The following GNA14 variants were observed in gnomAD, a reference collection of about 807,000 sequenced individuals.
GNA14 encodes the protein G protein subunit alpha 14, also known as guanine nucleotide-binding protein subunit alpha-14.
In GNA14, 50 loss-of-function variants were observed where a neutral mutation model predicts 42.0. That is an observed-to-expected ratio of 1.19 (90% CI 0.95 to 1.51). GNA14 has a LOEUF of 1.51. Ranked by LOEUF, GNA14 falls within the 40% of genes most tolerant of loss-of-function variation. The pLI is 0.00. For missense variants in GNA14, 473 were observed against 446.2 expected (o/e 1.06, Z -0.54); for synonymous variants, 173 against 163.1 (o/e 1.06, Z -0.46).
chr9:77,487,536 A>G (rs1178110207), intron 2 of GNA14, among the ~76,000 whole-genome samples: 2 of 152,208 alleles, frequency 1.3e-5, no homozygotes, highest in Admixed American at 1.3e-4. Context: ...AAAGCACTTT[A>G]TAAATGATAA....
intron 2 of GNA14, among the ~76,000 whole-genome samples, chr9:77,481,107 T>C (rs9722828): frequency 0.49 from 73,028 of 150,270 alleles, 18,320 homozygotes; most frequent in East Asian, 0.82. Flanking sequence ...AATGTGTTTG[T>C]TCTTGCTTTT....
intron 1 of GNA14, among the ~76,000 whole-genome samples, chr9:77,561,909 T>G (rs551489886): frequency 6.6e-6 from 1 of 152,212 alleles, no homozygotes; most frequent in Non-Finnish European, 1.5e-5. Context: ...ACCAGTCAAA[T>G]AAGGTATTAA....
chr9:77,487,107 T>C (rs997360915), intron 2 of GNA14, among the ~76,000 whole-genome samples: 1 of 152,036 alleles, frequency 6.6e-6, no homozygotes, highest in African/African-American at 2.4e-5. Context: ...TTTCATCTGA[T>C]GACTGAAACA....
rs771574912 is a variant in GNA14 at position 77,647,766 on chromosome 9, C to T, written c.28G>A (p.Glu10Lys). The change falls in exon 1 of 7, where the codon GAG becomes AAG. Residue 10 changes from glutamate (E) to lysine (K), a missense_variant. Coordinates refer to ENST00000341700, the MANE Select transcript of GNA14 (RefSeq NM_004297.4). ...CTGATGCGCTGCGACTCCTTCTCCT[C>T]CGCGGACAGGCAGCAGCAGCCGGCC... MAGCCCLSAEEKESQRISAE... is the reference protein window; with the variant it reads MAGCCCLSAKEKESQRISAE... The T allele has an allele frequency of 3.1e-6, 5 of 1,610,356 alleles. No homozygotes were observed. The highest frequency in any genetic ancestry group is 3.4e-6 in the Non-Finnish European group (4 of 1,178,914).
At chr9:77,426,772 C>T (rs1213491783) in intron 5 of GNA14, among the ~76,000 whole-genome samples, 1 of 152,136 alleles carries the variant, frequency 6.6e-6, no homozygotes, top group Non-Finnish European at 1.5e-5. Context: ...TTATCTGTGA[C>T]AATAATTGTT....
intron 2 of GNA14, among the ~76,000 whole-genome samples, chr9:77,523,446 G>A (rs1837389660): frequency 6.6e-6 from 1 of 152,066 alleles, no homozygotes; most frequent in Non-Finnish European, 1.5e-5. Flanking sequence ...CTGTCATGAG[G>A]ACAGCACCAA....
At chr9:77,425,048 C>G (rs973546339) in intron 6 of GNA14, among the ~76,000 whole-genome samples, 2 of 152,164 alleles carry the variant, frequency 1.3e-5, no homozygotes, top group African/African-American at 4.8e-5. Context: ...ATGCCACACT[C>G]TAACATACAC....
At chr9:77,621,355 GATAGA>G in intron 1 of GNA14, among the ~76,000 whole-genome samples, 1 of 152,286 alleles carries the variant, frequency 6.6e-6, no homozygotes, top group South Asian at 2.1e-4. Context: ...TTACATTGTA[GATAGA>G]ATAGGTTTGA....
intron 2 of GNA14, among the ~76,000 whole-genome samples, chr9:77,511,431 G>A (rs556938267): frequency 6.6e-6 from 1 of 152,298 alleles, no homozygotes; most frequent in South Asian, 2.1e-4. Context: ...CTAGGGATGA[G>A]GCCTATTCCT....
intron 2 of GNA14, among the ~76,000 whole-genome samples, chr9:77,447,652 T>C (rs964466867): frequency 6.6e-6 from 1 of 151,640 alleles, no homozygotes; most frequent in Non-Finnish European, 1.5e-5. Flanking sequence ...CTCCACAGAG[T>C]TATTCAGGGA....
intron 2 of GNA14, among the ~76,000 whole-genome samples, chr9:77,455,293 CA>C (rs1202191713): frequency 6.6e-6 from 1 of 152,242 alleles, no homozygotes; most frequent in Non-Finnish European, 1.5e-5. Context: ...TCAAGGCTAG[CA>C]GAGACTCTCC....
chr9:77,508,289 G>T, intron 2 of GNA14, among the ~76,000 whole-genome samples: 1 of 152,142 alleles, frequency 6.6e-6, no homozygotes, highest in East Asian at 1.9e-4. Flanking sequence ...ATGATTTGTG[G>T]CATTGGTATG....
chr9:77,448,564 T>A (rs1182177886), intron 2 of GNA14, among the ~76,000 whole-genome samples: 1 of 152,232 alleles, frequency 6.6e-6, no homozygotes, highest in Non-Finnish European at 1.5e-5. Flanking sequence ...ATTTAATTTA[T>A]GATGGGTTTA....
chr9:77,440,829 C>T (rs1835719788), intron 2 of GNA14, among the ~76,000 whole-genome samples: 1 of 152,086 alleles, frequency 6.6e-6, no homozygotes. Context: ...AATTCTCCTG[C>T]CTCGTCCCCC....
intron 1 of GNA14, among the ~76,000 whole-genome samples, chr9:77,641,519 G>A (rs946258121): frequency 6.0e-5 from 9 of 150,946 alleles, no homozygotes; most frequent in Admixed American, 2.0e-4. Context: ...AGCACAGTGG[G>A]GATCGCTAAT....
At position 77,425,613 on chromosome 9, in the gene GNA14, C is replaced by T. The variant is rs868237297; in HGVS notation, c.826G>A (p.Glu276Lys). 6.2e-7 allele frequency: 1 copy of T among 1,608,684 alleles called. No homozygotes were observed. The highest frequency in any genetic ancestry group is 8.5e-7 in the Non-Finnish European group (1 of 1,175,426). ...ILFLNKKDLL[E>K]EKIMYSHLIS... is the part of the protein sequence containing the mutation. ...AGATGAGAGTACATGATTTTCTCTT[C>T]CAAAAGATCCTTCTTGTTCAAGAAT... The change falls in exon 6 of 7, where the codon GAA (glutamate) becomes AAA (lysine). Residue 276 changes from glutamate to lysine, a missense_variant. By Grantham distance (56) the Glu-to-Lys change is moderately conservative. Transcript: ENST00000341700.
intron 2 of GNA14, among the ~76,000 whole-genome samples, chr9:77,452,559 T>TG (rs768903032): frequency 7.0e-6 from 1 of 142,634 alleles, no homozygotes; most frequent in Admixed American, 7.2e-5. Context: ...AGTGTGTGTG[T>TG]GTGTGTGTGT....
chr9:77,525,070 T>C (rs1837414164), intron 2 of GNA14, among the ~76,000 whole-genome samples: 2 of 152,222 alleles, frequency 1.3e-5, no homozygotes, highest in Admixed American at 6.5e-5. Flanking sequence ...TTCTTACTAT[T>C]CTCAACTGTA....
At chr9:77,463,940 A>G (rs147246988) in intron 2 of GNA14, among the ~76,000 whole-genome samples, 91 of 152,352 alleles carry the variant, frequency 6.0e-4, no homozygotes, top group African/African-American at 2.0e-3. Flanking sequence ...AGAGAAATAT[A>G]TAGTTATACT....
Sources: allele counts gnomAD v4.1 joint callset (sites outside exome capture counted in the v4.1 genomes callset), GRCh38; gene constraint gnomAD v4.1.1; transcripts MANE v1.5; gene names NCBI Gene and HGNC (gene_info 2026-07-23, HGNC 2026-07-21).